Variants in ADD3 observed in about 807,000 individuals in gnomAD.
ADD3 encodes the protein gamma-adducin.
ADD3 carries 25 observed loss-of-function variants against 80.2 expected under a neutral mutation model. That is an observed-to-expected ratio of 0.31 (90% confidence interval 0.23 to 0.44). The LOEUF (loss-of-function observed/expected upper bound fraction) is 0.44. Among genes scored for constraint, ADD3 ranks in the 20% least tolerant of loss-of-function variants. The pLI, the probability that ADD3 is intolerant of heterozygous loss-of-function variation, is 1.00. For synonymous variants in ADD3, 284 were observed against 289.6 expected (o/e 0.98, Z 0.20); for missense variants, 829 against 847.5 (o/e 0.98, Z 0.27).
Position 110,133,565 on chromosome 10 carries a change from C to T in ADD3, c.2068C>T (p.Arg690Cys), listed in dbSNP as rs11550114. Residue 690 changes from arginine to cysteine, a missense_variant, in exon 15 of 15, where the codon CGC becomes TGC. Coordinates refer to ENST00000356080, the MANE Select transcript of ADD3 (RefSeq NM_016824.5). ...GCCATCCAAGAAAAAGAAGAAATTCCGCACTCCTTCTTTTCTGAAAAAGAA... is the reference window on the plus strand; with the variant it reads ...GCCATCCAAGAAAAAGAAGAAATTCTGCACTCCTTCTTTTCTGAAAAAGAA... ...KSPSKKKKKF[R>C]TPSFLKKNKK... 7 of 1,607,298 alleles carry T rather than the reference C, an allele frequency of 4.4e-6. No individual in the cohort carries two copies. Among genetic ancestry groups the T allele is most frequent in the East Asian group, 2.2e-5 (1 of 44,804 alleles).
At position 110,064,566 on chromosome 10, in the gene ADD3, AAT is replaced by A. The variant is rs1406459956; in HGVS notation, c.-29-36057_-29-36056del. ...CAAAGTGCTGTTCACGTCTTTTACT[AAT>A]AGAAAAATTGGGTTATTTTTCTTTT... On this transcript the variant is annotated intron_variant, in intron 1 of 14. Coordinates refer to ENST00000356080, the MANE Select transcript of ADD3 (RefSeq NM_016824.5). Among the ~76,000 whole-genome samples, 12 of 152,222 alleles carry A rather than the reference AAT, an allele frequency of 7.9e-5. 1 individual carries two copies. The highest frequency in any genetic ancestry group is 7.9e-4 in the Admixed American group (12 of 15,286).
In ADD3 at chr10:110,125,922, G is replaced by A; in HGVS notation, c.1498G>A (p.Glu500Lys). 1.9e-6 allele frequency: 3 copies of A among 1,608,202 alleles called. No individual in the cohort carries two copies. Among genetic ancestry groups the A allele is most frequent in the Non-Finnish European group, 2.6e-6 (3 of 1,176,036 alleles). The change falls in exon 11 of 15, where the codon GAG becomes AAG. Residue 500 changes from glutamate to lysine, a missense_variant. Glu to Lys is a moderately conservative substitution (Grantham distance 56). Transcript: ENST00000356080. ...TGTTCCTTTAAACACAAACCCGAATGAGGTACTAGAAAAGAGAAATAAGGT... is the reference window on the plus strand; with the variant it reads ...TGTTCCTTTAAACACAAACCCGAATAAGGTACTAGAAAAGAGAAATAAGGT... ...QFVPLNTNPN[E>K]VLEKRNKIRE...
chr10:110,000,880 A>G (rs993338498), upstream of ADD3, among the ~76,000 whole-genome samples: 41 of 152,222 alleles, frequency 2.7e-4, no homozygotes, highest in Admixed American at 1.2e-3. Flanking sequence ...TAAGACATTC[A>G]GTACTGGTAT....
At chr10:110,038,745 AG>A (rs1855953912) in intron 1 of ADD3, among the ~76,000 whole-genome samples, 2 of 152,240 alleles carry the variant, frequency 1.3e-5, no homozygotes, top group Admixed American at 1.3e-4. Context: ...TAAATGCATA[AG>A]GATGAAAATT....
intron 3 of ADD3, among the ~76,000 whole-genome samples, chr10:110,114,544 A>C (rs1850449342): frequency 6.6e-6 from 1 of 152,184 alleles, no homozygotes; most frequent in Non-Finnish European, 1.5e-5. Context: ...AGAGTGGACA[A>C]CGAGGGACCT....
At chr10:110,074,147 A>G (rs1845107657) in intron 1 of ADD3, among the ~76,000 whole-genome samples, 1 of 152,206 alleles carries the variant, frequency 6.6e-6, no homozygotes, top group African/African-American at 2.4e-5. Context: ...ATCCTTGACC[A>G]GATGATGTTT....
chr10:110,045,931 A>G (rs1856860875), intron 1 of ADD3, among the ~76,000 whole-genome samples: 1 of 152,248 alleles, frequency 6.6e-6, no homozygotes, highest in African/African-American at 2.4e-5. Context: ...GATGTTAATC[A>G]TCTATGTGAA....
At chr10:110,099,868 T>G (rs17127060) in intron 1 of ADD3, among the ~76,000 whole-genome samples, 3,015 of 152,370 alleles carry the variant, frequency 0.02, 111 homozygotes, top group African/African-American at 0.069. Context: ...TGCAGCACTT[T>G]AAAAGAATGT....
chr10:110,071,582 C>G (rs958987782), intron 1 of ADD3, among the ~76,000 whole-genome samples: 5 of 152,156 alleles, frequency 3.3e-5, no homozygotes, highest in Middle Eastern at 6.8e-3. Flanking sequence ...TTTTTAATGG[C>G]ACAAATAGAT....
In ADD3 at chr10:110,134,526, T is replaced by C. The variant is rs575128880; in HGVS notation, c.*908T>C. The C allele has an allele frequency of 2.0e-5, 3 of 152,548 alleles. No individual in the cohort carries two copies. The highest frequency in any genetic ancestry group is 7.2e-5 in the African/African-American group (3 of 41,556). 9.4% of individuals were successfully genotyped at this position (152,548 alleles called of 1,614,324 possible). A position where few individuals can be genotyped will look rare whatever the true frequency, so the allele number is the denominator to read the frequency against. ...AGAGCATGTAAAGGTACATCTAGAT[T>C]CATATTTGAATCTTAAACTGTATTT... On this transcript the variant is annotated 3_prime_UTR_variant, in exon 15 of 15. Coordinates refer to ENST00000356080, the MANE Select transcript of ADD3 (RefSeq NM_016824.5).
rs9804281 is a variant in ADD3 at position 110,089,836 on chromosome 10, T to C, written c.-29-10789T>C. The stretch of plus-strand genomic sequence containing the variant: ...TAATGATTAATGATTGAGTTTGGAC[T>C]TGAAGAAATACTTTCTCTGAACTTT... On this transcript the variant is annotated intron_variant, in intron 1 of 14. Coordinates refer to ENST00000356080, the MANE Select transcript of ADD3 (RefSeq NM_016824.5). 4.7e-3 allele frequency among the ~76,000 whole-genome samples: 715 copies of C among 152,332 alleles called. 10 individuals are homozygous for C. The highest frequency in any genetic ancestry group is 0.016 in the African/African-American group (661 of 41,584).
intron 1 of ADD3, among the ~76,000 whole-genome samples, chr10:109,998,629 G>A (rs1215553546): frequency 6.6e-6 from 1 of 152,110 alleles, no homozygotes; most frequent in East Asian, 1.9e-4. Flanking sequence ...CCCCCACCTA[G>A]CTCTCCTGTC....
intron 1 of ADD3, among the ~76,000 whole-genome samples, chr10:110,051,201 CTTAGAA>C (rs2133393199): frequency 6.6e-6 from 1 of 152,214 alleles, no homozygotes; most frequent in East Asian, 1.9e-4. Flanking sequence ...CCATAAGACT[CTTAGAA>C]GAAACCAGAG....
chr10:110,033,087 T>C (rs1379417871), intron 1 of ADD3, among the ~76,000 whole-genome samples: 2 of 152,234 alleles, frequency 1.3e-5, no homozygotes, highest in Non-Finnish European at 2.9e-5. Context: ...ACCTGACTTT[T>C]ATAGGTCGAT....
At chr10:110,061,485 G>A (rs1010993890) in intron 1 of ADD3, among the ~76,000 whole-genome samples, 1 of 152,122 alleles carries the variant, frequency 6.6e-6, no homozygotes, top group Non-Finnish European at 1.5e-5. Context: ...TCTTCAAGAA[G>A]TACTTTTGCA....
At chr10:110,016,581 G>A (rs1460263907) in intron 1 of ADD3, 2 of 152,122 alleles carry the variant, frequency 1.3e-5, no homozygotes, top group Non-Finnish European at 2.9e-5. Context: ...AAATCTGCTT[G>A]GGCTTAGAAT....
chr10:110,012,092 G>T lies in ADD3; in HGVS notation c.-30+3793G>T, dbSNP rs547768374. Among the ~76,000 whole-genome samples the T allele has an allele frequency of 1.5e-4, 23 of 152,300 alleles. No homozygotes were observed. In the South Asian group the frequency reaches 4.6e-3, roughly 30 times the overall value. On this transcript the variant is annotated intron_variant, in intron 1 of 14. Transcript: ENST00000356080. Reference sequence around the variant, plus strand: ...GCTAATTATGGATGTGTGTGTCTATGTATACGTATGTCAAACCATGCTACT... The same window carrying T: ...GCTAATTATGGATGTGTGTGTCTATTTATACGTATGTCAAACCATGCTACT...
intron 12 of ADD3, among the ~76,000 whole-genome samples, chr10:110,129,545 T>C (rs1456685500): frequency 1.3e-5 from 2 of 152,178 alleles, no homozygotes; most frequent in Non-Finnish European, 2.9e-5. Flanking sequence ...GGAATCTGTT[T>C]CCTATTCAGA....
chr10:110,077,075 A>G (rs1005742028), intron 1 of ADD3: 5 of 152,248 alleles, frequency 3.3e-5, no homozygotes, highest in Non-Finnish European at 4.4e-5. Context: ...CAGAATTGCC[A>G]CACAAAAACC....
Sources: allele counts gnomAD v4.1 joint callset (sites outside exome capture counted in the v4.1 genomes callset), GRCh38; gene constraint gnomAD v4.1.1; transcripts MANE v1.5; gene names NCBI Gene and HGNC (gene_info 2026-07-23, HGNC 2026-07-21).